The following COL25A1 variants were observed in gnomAD, a reference collection of about 807,000 sequenced individuals.
COL25A1 encodes collagen alpha-1(XXV) chain.
In COL25A1, 103 loss-of-function variants were observed where a neutral mutation model predicts 128.4. That is an observed-to-expected ratio of 0.80 (90% CI 0.68 to 0.94). The LOEUF is 0.94. Ranked by LOEUF, COL25A1 falls within the 40% of genes least tolerant of loss-of-function variation. The pLI, the probability that COL25A1 is intolerant of heterozygous loss-of-function variation, is 0.00. For synonymous variants in COL25A1, 279 were observed against 277.2 expected, an observed-to-expected ratio of 1.01 and a Z score of -0.06; for missense variants, 745 against 840.0, an observed-to-expected ratio of 0.89 and a Z score of 1.40.
chr4:108,861,456 C>A (rs562434310), intron 22 of COL25A1, among the ~76,000 whole-genome samples: 9 of 152,310 alleles, frequency 5.9e-5, no homozygotes, highest in Middle Eastern at 3.4e-3. Context: ...CAGGCTAGGC[C>A]TCCCTCTGAT....
intron 31 of COL25A1, among the ~76,000 whole-genome samples, chr4:108,841,315 C>T (rs528895338): frequency 2.0e-4 from 30 of 152,032 alleles, no homozygotes; most frequent in African/African-American, 7.0e-4. Flanking sequence ...GACTACATGG[C>T]AAGCAAGAAA....
intron 3 of COL25A1, among the ~76,000 whole-genome samples, chr4:109,291,855 G>A (rs1389881897): frequency 1.3e-5 from 2 of 152,008 alleles, no homozygotes; most frequent in Non-Finnish European, 2.9e-5. Context: ...GTTACACAGT[G>A]CATTTACCCA....
chr4:109,078,665 G>T (rs1393311320), intron 3 of COL25A1, among the ~76,000 whole-genome samples: 1 of 152,182 alleles, frequency 6.6e-6, no homozygotes, highest in East Asian at 1.9e-4. Flanking sequence ...TAATATGCAG[G>T]AAAGTTATTT....
chr4:109,139,978 C>T (rs896556780), intron 3 of COL25A1, among the ~76,000 whole-genome samples: 7 of 152,076 alleles, frequency 4.6e-5, no homozygotes, highest in African/African-American at 7.2e-5. Flanking sequence ...CCAGCTTCAT[C>T]GATGTCCCTA....
chr4:108,936,716 C>A (rs1280710566), intron 11 of COL25A1, among the ~76,000 whole-genome samples: 2 of 151,342 alleles, frequency 1.3e-5, no homozygotes, highest in African/African-American at 4.8e-5. Flanking sequence ...CCCAGGAGAG[C>A]TGCTGAATAC....
At chr4:109,163,532 G>T (rs1772782401) in intron 3 of COL25A1, among the ~76,000 whole-genome samples, 1 of 152,218 alleles carries the variant, frequency 6.6e-6, no homozygotes. Context: ...CAGACTAATT[G>T]CAGAAGATCA....
chr4:108,925,301 A>T (rs1184162814), intron 11 of COL25A1, among the ~76,000 whole-genome samples: 1 of 150,526 alleles, frequency 6.6e-6, no homozygotes, highest in African/African-American at 2.5e-5. Context: ...TAAAGCAAAG[A>T]GGGGGATATG....
intron 11 of COL25A1, chr4:108,920,898 A>C: frequency 3.3e-5 from 8 of 244,958 alleles, no homozygotes; most frequent in Middle Eastern, 9.2e-4. Flanking sequence ...ATACCTATAA[A>C]TGTGTCACAT....
chr4:108,973,990 G>T (rs940348146), intron 8 of COL25A1, among the ~76,000 whole-genome samples: 10 of 152,190 alleles, frequency 6.6e-5, no homozygotes, highest in Non-Finnish European at 1.5e-4. Context: ...AGCACGTAAG[G>T]TTTAACTGCA....
chr4:108,890,638 G>GA (rs1741378120), intron 16 of COL25A1, among the ~76,000 whole-genome samples: 1 of 152,156 alleles, frequency 6.6e-6, no homozygotes, highest in Non-Finnish European at 1.5e-5. Flanking sequence ...GAAGGAAAAA[G>GA]AAAAGGTCAT....
intron 13 of COL25A1, among the ~76,000 whole-genome samples, chr4:108,917,015 A>G (rs1266536993): frequency 3.3e-5 from 5 of 152,310 alleles, no homozygotes; most frequent in Middle Eastern, 3.4e-3. Flanking sequence ...TTTAATGGTA[A>G]TATCAAATAC....
intron 5 of COL25A1, 33 bp from the exon 6 acceptor site, chr4:109,010,408 A>G (rs1170805606): frequency 1.3e-6 from 2 of 1,496,870 alleles, no homozygotes; most frequent in Admixed American, 4.2e-5. Flanking sequence ...AAACAATTAC[A>G]AAATTGTATC....
chr4:108,935,806 G>T (rs1747327776), intron 11 of COL25A1, among the ~76,000 whole-genome samples: 1 of 152,146 alleles, frequency 6.6e-6, no homozygotes, highest in Middle Eastern at 3.2e-3. Flanking sequence ...ATATCCTAGA[G>T]AGCATATGTA....
chr4:108,947,470 AAAAG>A (rs973871241), intron 8 of COL25A1, among the ~76,000 whole-genome samples: 11 of 151,692 alleles, frequency 7.3e-5, no homozygotes, highest in African/African-American at 2.2e-4. Context: ...AAAAAGAAAG[AAAAG>A]AAAGAAAGAA....
At chr4:108,894,789 G>A (rs1445153150) in intron 16 of COL25A1, among the ~76,000 whole-genome samples, 5 of 152,126 alleles carry the variant, frequency 3.3e-5, no homozygotes, top group Non-Finnish European at 7.3e-5. Context: ...AGTAATCAGG[G>A]TATATCATTG....
chr4:109,170,401 T>G (rs1007787435), intron 3 of COL25A1, among the ~76,000 whole-genome samples: 4 of 152,188 alleles, frequency 2.6e-5, no homozygotes, highest in Non-Finnish European at 4.4e-5. Flanking sequence ...GTGCAGGCCA[T>G]ACAATCCACA....
intron 3 of COL25A1, among the ~76,000 whole-genome samples, chr4:109,290,946 G>A (rs908874505): frequency 3.3e-5 from 5 of 152,034 alleles, no homozygotes; most frequent in African/African-American, 1.2e-4. Flanking sequence ...TTTACTGATA[G>A]TCTTTTTGCA....
chr4:108,855,957 A>G (rs1007507024), intron 24 of COL25A1, among the ~76,000 whole-genome samples: 3 of 152,152 alleles, frequency 2.0e-5, no homozygotes, highest in Non-Finnish European at 2.9e-5. Flanking sequence ...TCAAATAATG[A>G]TTTGAAAGTC....
intron 3 of COL25A1, among the ~76,000 whole-genome samples, chr4:109,120,760 A>G (rs1768034202): frequency 6.6e-6 from 1 of 151,970 alleles, no homozygotes; most frequent in South Asian, 2.1e-4. Flanking sequence ...GTGAGCTGTG[A>G]TTGTGCCACT....
Sources: allele counts gnomAD v4.1 joint callset (sites outside exome capture counted in the v4.1 genomes callset), GRCh38; gene constraint gnomAD v4.1.1; transcripts MANE v1.5; gene names NCBI Gene and HGNC (gene_info 2026-07-23, HGNC 2026-07-21).